The following ELL variants were observed in gnomAD, a reference collection of about 807,000 sequenced individuals.
ELL encodes the protein elongation factor for RNA polymerase II, also known as RNA polymerase II elongation factor ELL.
Under a neutral mutation model 64.0 loss-of-function variants are expected in ELL, and 18 were observed. The observed-to-expected ratio is 0.28, with a 90% CI of 0.19 to 0.42. The LOEUF (loss-of-function observed/expected upper bound fraction) is 0.42. Among genes scored for constraint, ELL ranks in the 10% least tolerant of loss-of-function variants. ELL has a pLI of 1.00. For synonymous variants in ELL, 399 were observed against 376.2 expected (o/e 1.06, Z -0.70); for missense variants, 797 against 870.4 (o/e 0.92, Z 1.06).
At chr19:18,506,915 C>T (rs532824339) in intron 1 of ELL, among the ~76,000 whole-genome samples, 1 of 152,278 alleles carries the variant, frequency 6.6e-6, no homozygotes, top group African/African-American at 2.4e-5. Context: ...CTTCTCAACA[C>T]GGCTCCACTT....
At chr19:18,520,699 C>A (rs1976247717) in intron 1 of ELL, among the ~76,000 whole-genome samples, 2 of 150,942 alleles carry the variant, frequency 1.3e-5, no homozygotes, top group Non-Finnish European at 3.0e-5. Flanking sequence ...CTCCCTCCTC[C>A]CCCGCCCGCG....
intron 2 of ELL, among the ~76,000 whole-genome samples, chr19:18,468,081 C>A (rs1359570420): frequency 6.8e-6 from 1 of 147,474 alleles, no homozygotes; most frequent in African/African-American, 2.5e-5. Flanking sequence ...CACACCAAAC[C>A]CCTCCACACA....
chr19:18,445,409 G>A (rs1480084087), intron 10 of ELL, 141 bp from the exon 11 acceptor site: 4 of 850,842 alleles, frequency 4.7e-6, no homozygotes, highest in South Asian at 4.3e-5. Context: ...ACACCCCAGG[G>A]GCCCACAGCG....
At chr19:18,473,204 A>AC in intron 1 of ELL, 1 of 617,766 alleles carries the variant, frequency 1.6e-6, no homozygotes, top group Non-Finnish European at 3.0e-6. Context: ...GAAAGCCACC[A>AC]CCAGCCTGTG....
At position 18,473,804 on chromosome 19, in the gene ELL, C is replaced by T. The variant is rs1055867468; in HGVS notation, c.136-922G>A. 3.9e-5 allele frequency among the ~76,000 whole-genome samples: 6 copies of T among 152,150 alleles called. 1 individual carries two copies. The highest frequency in any genetic ancestry group is 7.4e-5 in the Non-Finnish European group (5 of 68,022). Reference sequence around the variant, plus strand: ...CACCATGATTCTTGGTCCCCAAACCCACCCCTGCACCACCTGGCCCCACTG... The same window carrying T: ...CACCATGATTCTTGGTCCCCAAACCTACCCCTGCACCACCTGGCCCCACTG... On this transcript the variant is annotated intron_variant, in intron 1 of 11. Transcript: ENST00000262809.
chr19:18,475,296 AC>A (rs1036186619), intron 1 of ELL, among the ~76,000 whole-genome samples: 3 of 152,208 alleles, frequency 2.0e-5, no homozygotes, highest in South Asian at 4.1e-4. Context: ...ATAAAAAAAA[AC>A]ATAACCACAC....
intron 1 of ELL, among the ~76,000 whole-genome samples, chr19:18,512,825 G>A (rs1475844757): frequency 6.6e-6 from 1 of 152,134 alleles, no homozygotes; most frequent in African/African-American, 2.4e-5. Context: ...CCAGCAGCCT[G>A]GAGCCCCAAA....
At chr19:18,476,175 A>G (rs1227254749) in intron 1 of ELL, among the ~76,000 whole-genome samples, 1 of 152,224 alleles carries the variant, frequency 6.6e-6, no homozygotes, top group African/African-American at 2.4e-5. Flanking sequence ...GGACTGGAGC[A>G]GGAACTCAGT....
intron 1 of ELL, 47 bp downstream of exon 1, chr19:18,521,874 C>A: frequency 1.3e-6 from 2 of 1,533,440 alleles, no homozygotes; most frequent in African/African-American, 1.4e-5. Flanking sequence ...GAGGCCGGCC[C>A]GCGTCCGGAC....
intron 10 of ELL, 90 bp from the exon 11 acceptor site, chr19:18,445,358 G>T (rs1974389854): frequency 3.9e-6 from 5 of 1,276,152 alleles, no homozygotes; most frequent in Non-Finnish European, 3.4e-6. Flanking sequence ...CTGAGAAGGG[G>T]GCATGGGAGG....
rs1272047172 is a variant in ELL at position 18,467,634 on chromosome 19, CACACACACA to C, written c.184-1725_184-1717del. On this transcript the variant is annotated intron_variant, in intron 2 of 11. Transcript: ENST00000262809. ...CCCACCCGCCCCCACCACACAACCACACACACACACACACACACACACACACACACACAC... is the reference window on the plus strand; with the variant it reads ...CCCACCCGCCCCCACCACACAACCACCACACACACACACACACACACACAC... Among the ~76,000 whole-genome samples, 8 of 7,480 alleles carry C rather than the reference CACACACACA, an allele frequency of 1.1e-3. No individual in the cohort carries two copies. In the African/African-American group the frequency reaches 0.039, roughly 36 times the overall value. The allele number at this position is 7,480 out of a possible 152,430, so 4.9% of individuals were successfully genotyped here.
At position 18,450,467 on chromosome 19, in the gene ELL, G is replaced by C. The variant is rs765638418; in HGVS notation, c.1465+10C>G. The stretch of plus-strand genomic sequence containing the variant: ...GAGCCCCGGCAACGCCCTCCTGCCT[G>C]GGCACCTACCTGGGGTGTCTGCTGG... On this transcript the variant is annotated intron_variant, in intron 8 of 11. Transcript: ENST00000262809. The C allele has an allele frequency of 1.2e-6, 2 of 1,610,350 alleles. No homozygotes were observed. The highest frequency in any genetic ancestry group is 1.7e-6 in the Non-Finnish European group (2 of 1,178,280).
chr19:18,462,335 CTGTG>C (rs370735358), intron 4 of ELL, among the ~76,000 whole-genome samples: 24 of 64,958 alleles, frequency 3.7e-4, no homozygotes, highest in African/African-American at 8.5e-4. Context: ...CTCTAGTGGG[CTGTG>C]TGTGTGTGTG....
At chr19:18,467,757 CCA>C (rs969638817) in intron 2 of ELL, among the ~76,000 whole-genome samples, 1 of 135,548 alleles carries the variant, frequency 7.4e-6, no homozygotes, top group African/African-American at 2.8e-5. Flanking sequence ...CACAACCCCT[CCA>C]CACACAATCT....
At position 18,479,708 on chromosome 19, in the gene ELL, C is replaced by CAA. The variant is rs60371809; in HGVS notation, c.136-6828_136-6827dup. 6.7e-3 allele frequency among the ~76,000 whole-genome samples: 484 copies of CAA among 72,734 alleles called. 13 individuals carry two copies. Among genetic ancestry groups the CAA allele is most frequent in the East Asian group, 0.021 (47 of 2,230 alleles). The allele number at this position is 72,734 out of a possible 152,430, so 47.7% of individuals were successfully genotyped here. On this transcript the variant is annotated intron_variant, in intron 1 of 11. Transcript: ENST00000262809. ...TGCACGACAGAGTGAGACTCCATCTCAAAAAAAAAAAAAAAAAAAAATCTA... is the reference window on the plus strand; with the variant it reads ...TGCACGACAGAGTGAGACTCCATCTCAAAAAAAAAAAAAAAAAAAAAAATCTA...
chr19:18,496,703 T>C (rs2144960225), intron 1 of ELL, among the ~76,000 whole-genome samples: 2 of 152,318 alleles, frequency 1.3e-5, no homozygotes, highest in Non-Finnish European at 2.9e-5. Context: ...ACTCAGGTGG[T>C]GCGGACTGGG....
At chr19:18,511,981 C>G (rs978467589) in intron 1 of ELL, among the ~76,000 whole-genome samples, 4 of 151,856 alleles carry the variant, frequency 2.6e-5, no homozygotes, top group African/African-American at 9.7e-5. Flanking sequence ...ATGGTGAAAC[C>G]CCGTCTCTAC....
chr19:18,509,582 TGCGC>T lies in ELL; in HGVS notation c.135+12335_135+12338del, dbSNP rs138250487. Among the ~76,000 whole-genome samples, 51 of 95,552 alleles carry T rather than the reference TGCGC, an allele frequency of 5.3e-4. 1 individual carries two copies. The highest frequency in any genetic ancestry group is 9.0e-4 in the Non-Finnish European group (43 of 47,710). 62.7% of individuals were successfully genotyped at this position (95,552 alleles called of 152,430 possible). On this transcript the variant is annotated intron_variant, in intron 1 of 11. Transcript: ENST00000262809. ...AGATGGAGACACAGGCCAATGCACG[TGCGC>T]GCGCGCGCACATACACACACACACA...
At chr19:18,477,514 G>A (rs947895856) in intron 1 of ELL, among the ~76,000 whole-genome samples, 1 of 152,260 alleles carries the variant, frequency 6.6e-6, no homozygotes, top group South Asian at 2.1e-4. Flanking sequence ...CTACCAGGTC[G>A]TGGCGCATCA....
Sources: gnomAD v4.1 joint callset for allele counts (sites outside exome capture counted in the v4.1 genomes callset) on GRCh38, gnomAD v4.1.1 for gene constraint, MANE v1.5 for transcripts, NCBI Gene and HGNC (gene_info 2026-07-23, HGNC 2026-07-21) for gene names.